Variants in FUBP3 observed in about 807,000 individuals in gnomAD.
FUBP3 encodes the protein far upstream element binding protein 3, also known as far upstream element-binding protein 3.
A neutral mutation model predicts 85.6 loss-of-function variants in FUBP3; 28 were observed. That is an observed-to-expected ratio of 0.33 (90% CI 0.24 to 0.45). The LOEUF is 0.45. FUBP3 is among the 20% of genes least tolerant of loss of function. The pLI is 1.00. For synonymous variants in FUBP3, 271 were observed against 271.4 expected (o/e 1.00, Z 0.01); for missense variants, 583 against 755.1 (o/e 0.77, Z 2.67).
intron 12 of FUBP3, among the ~76,000 whole-genome samples, chr9:130,628,094 G>GCGCACACACACACACA (rs1280537209): frequency 8.4e-6 from 1 of 119,426 alleles, no homozygotes; most frequent in South Asian, 2.7e-4. Flanking sequence ...ACGCACGCAC[G>GCGCACACACACACACA]CACGCACGCG....
chr9:130,602,727 G>T (rs1831216904), intron 2 of FUBP3, among the ~76,000 whole-genome samples: 1 of 152,182 alleles, frequency 6.6e-6, no homozygotes, highest in Non-Finnish European at 1.5e-5. Context: ...GAAGAGGGAA[G>T]AGGTAAAGTG....
intron 2 of FUBP3, chr9:130,596,694 G>C (rs1489763050): frequency 4.5e-6 from 2 of 446,360 alleles, no homozygotes; most frequent in Non-Finnish European, 9.2e-6. Context: ...TCATAGACTT[G>C]TTTGCAAATC....
intron 1 of FUBP3, among the ~76,000 whole-genome samples, chr9:130,582,627 T>C (rs1297863230): frequency 6.6e-6 from 1 of 152,234 alleles, no homozygotes; most frequent in African/African-American, 2.4e-5. Context: ...CCTGAGTAGT[T>C]CATCCTGTTC....
chr9:130,632,635 G>A (rs1008691583), intron 16 of FUBP3, among the ~76,000 whole-genome samples: 2 of 152,244 alleles, frequency 1.3e-5, no homozygotes, highest in African/African-American at 4.8e-5. Flanking sequence ...TCCACCCCTT[G>A]AGGGGCTGGT....
rs930791360 is a variant in FUBP3 at position 130,630,608 on chromosome 9, C to T, written c.1118-20C>T. The stretch of plus-strand genomic sequence containing the variant: ...CCGCAGTCTCTGCTTACTCTTCTGC[C>T]TGTGTTGTGCTGTCCGCAGGGGGTG... On this transcript the variant is annotated intron_variant, in intron 12 of 18. Coordinates refer to ENST00000319725, the MANE Select transcript of FUBP3 (RefSeq NM_003934.2). The T allele has an allele frequency of 6.4e-7, 1 of 1,564,702 alleles. No individual in the cohort carries two copies. Among genetic ancestry groups the T allele is most frequent in the African/African-American group, 1.4e-5 (1 of 71,582 alleles).
chr9:130,613,543 T>C (rs1831857373), intron 5 of FUBP3, among the ~76,000 whole-genome samples: 1 of 152,154 alleles, frequency 6.6e-6, no homozygotes, highest in Non-Finnish European at 1.5e-5. Context: ...AGAGATGGAG[T>C]GAAGAACAAT....
intron 11 of FUBP3, among the ~76,000 whole-genome samples, chr9:130,624,113 A>G (rs1829868433): frequency 6.6e-6 from 1 of 152,218 alleles, no homozygotes; most frequent in Admixed American, 6.5e-5. Context: ...ACTTGATTTC[A>G]TGCACATCTT....
At chr9:130,615,186 G>A (rs1426253524) in intron 6 of FUBP3, among the ~76,000 whole-genome samples, 1 of 152,144 alleles carries the variant, frequency 6.6e-6, no homozygotes, top group Non-Finnish European at 1.5e-5. Flanking sequence ...CAGGGCAACT[G>A]GATGGTTTGC....
chr9:130,588,909 T>C (rs1459219530), intron 1 of FUBP3, among the ~76,000 whole-genome samples: 1 of 152,176 alleles, frequency 6.6e-6, no homozygotes, highest in East Asian at 1.9e-4. Context: ...CCAACCTACC[T>C]TTCTCCCAGG....
chr9:130,606,896 A>G (rs184798435), intron 2 of FUBP3, among the ~76,000 whole-genome samples: 4 of 128,532 alleles, frequency 3.1e-5, no homozygotes, highest in East Asian at 4.8e-4. Flanking sequence ...TTTGGAGGAG[A>G]AAAAAAAAAT....
Position 130,623,014 on chromosome 9 carries a change from C to G in FUBP3, c.874+204C>G, listed in dbSNP as rs75117961. On this transcript the variant is annotated intron_variant, in intron 10 of 18. Transcript: ENST00000319725. ...TTCTTTTCCCTCCCCGGATACATGTCGGTCACCTTTGATTTCCAGGCCTTT... is the reference window on the plus strand; with the variant it reads ...TTCTTTTCCCTCCCCGGATACATGTGGGTCACCTTTGATTTCCAGGCCTTT... Among the ~76,000 whole-genome samples, 679 of 152,230 alleles carry G rather than the reference C, an allele frequency of 4.5e-3. 9 individuals are homozygous for G. The highest frequency in any genetic ancestry group is 0.016 in the African/African-American group (649 of 41,528).
In FUBP3 at chr9:130,609,979, A is replaced by T. The variant is rs564714210; in HGVS notation, c.216A>T (p.Val72=). Residue 72 remains valine (V), a synonymous_variant, in exon 3 of 19, where the codon GTA becomes GTT. Transcript: ENST00000319725. ...TAGGTAACCAGTTAGGGGCCTTGGT[A>T]CATCAAAGGTAAGCAGTGGGTTACG... ...DGVGNQLGAL[V]HQRTVITEEF... 1.7e-5 allele frequency: 27 copies of T among 1,607,898 alleles called. No homozygotes were observed. Among genetic ancestry groups the T allele is most frequent in the Non-Finnish European group, 2.0e-5 (23 of 1,174,834 alleles).
In FUBP3 at chr9:130,614,268, C is replaced by T. The variant is rs767576730; in HGVS notation, c.347-20C>T. On this transcript the variant is annotated intron_variant, in intron 5 of 18. Transcript: ENST00000319725. Reference sequence around the variant, plus strand: ...CCCGGTGCCCACCAACACCCCTCATCTTCTTGATTCTTCTTATAGAGAGTT... The same window carrying T: ...CCCGGTGCCCACCAACACCCCTCATTTTCTTGATTCTTCTTATAGAGAGTT... 6.4e-7 allele frequency: 1 copy of T among 1,566,880 alleles called. No individual in the cohort carries two copies. Among genetic ancestry groups the T allele is most frequent in the Non-Finnish European group, 8.8e-7 (1 of 1,138,102 alleles).
chr9:130,601,185 C>T (rs73656449), intron 2 of FUBP3, among the ~76,000 whole-genome samples: 1,904 of 152,250 alleles, frequency 0.013, 52 homozygotes, highest in African/African-American at 0.044. Flanking sequence ...TTTTCTTCAT[C>T]TTTAGTTAGG....
At position 130,606,587 on chromosome 9, in the gene FUBP3, A is replaced by G. The variant is rs375454153; in HGVS notation, c.191-3367A>G. 6.4e-4 allele frequency among the ~76,000 whole-genome samples: 97 copies of G among 152,198 alleles called. 1 individual carries two copies. The East Asian group carries it at 0.013, about 20-fold the overall frequency. ...TGTAATCCCAGCACTTTGGGAGGCT[A>G]AAGTGGGCGGATCACCTGAGGTCGG... On this transcript the variant is annotated intron_variant, in intron 2 of 18. Coordinates refer to ENST00000319725, the MANE Select transcript of FUBP3 (RefSeq NM_003934.2).
chr9:130,636,739 G>T (rs925294827), intron 18 of FUBP3, among the ~76,000 whole-genome samples: 4 of 152,204 alleles, frequency 2.6e-5, no homozygotes, highest in Non-Finnish European at 5.9e-5. Flanking sequence ...CCTGGCCCTG[G>T]ACTCAGCTGG....
chr9:130,587,660 A>T (rs1157070924), intron 1 of FUBP3, among the ~76,000 whole-genome samples: 1 of 152,162 alleles, frequency 6.6e-6, no homozygotes. Context: ...GACTCTTGAA[A>T]CTTTGAACCA....
Position 130,579,626 on chromosome 9 carries a change from C to T in FUBP3, c.-55C>T. ...CGGAGCGGGAGGCCGGACCGGGGAG[C>T]CGAGCGGCGGCGTCGGCGGCGTCGG... On this transcript the variant is annotated 5_prime_UTR_variant, in exon 1 of 19. Transcript: ENST00000319725. The T allele has an allele frequency of 9.0e-7, 1 of 1,105,736 alleles. No homozygotes were observed. Among genetic ancestry groups the T allele is most frequent in the Non-Finnish European group, 1.1e-6 (1 of 872,548 alleles). 68.5% of individuals were successfully genotyped at this position (1,105,736 alleles called of 1,614,324 possible). A position where few individuals can be genotyped will look rare whatever the true frequency, so the allele number is the denominator to read the frequency against.
At chr9:130,598,474 G>A (rs1830976444) in intron 2 of FUBP3, among the ~76,000 whole-genome samples, 1 of 152,236 alleles carries the variant, frequency 6.6e-6, no homozygotes, top group Non-Finnish European at 1.5e-5. Flanking sequence ...TGTGTGCACA[G>A]AGGCAGACAA....
Sources: gnomAD v4.1 joint callset for allele counts (sites outside exome capture counted in the v4.1 genomes callset) on GRCh38, gnomAD v4.1.1 for gene constraint, MANE v1.5 for transcripts, NCBI Gene and HGNC (gene_info 2026-07-23, HGNC 2026-07-21) for gene names.